The following RECK variants were observed in gnomAD, a reference collection of about 807,000 sequenced individuals.
RECK encodes the protein reversion inducing cysteine rich protein with kazal motifs, also known as reversion-inducing cysteine-rich protein with Kazal motifs.
A neutral mutation model predicts 115.1 loss-of-function variants in RECK; 69 were observed. The ratio of observed to expected loss-of-function variants is 0.60; its 90% confidence interval spans 0.49 to 0.73. RECK has a LOEUF of 0.73. Ranked by LOEUF, RECK falls within the 30% of genes least tolerant of loss-of-function variation. The pLI, the probability that RECK is intolerant of heterozygous loss-of-function variation, is 0.00. For synonymous variants in RECK, 414 were observed against 419.7 expected, an observed-to-expected ratio of 0.99 and a Z score of 0.17; for missense variants, 1,047 against 1,203.7, an observed-to-expected ratio of 0.87 and a Z score of 1.93.
chr9:36,064,587 T>C (rs1490213767), intron 5 of RECK, among the ~76,000 whole-genome samples: 1 of 152,202 alleles, frequency 6.6e-6, no homozygotes. Context: ...GATAAGAGTA[T>C]ATGAGATATG....
rs549991431 is a variant in RECK, at chr9:36,047,559, T to C, written c.101-4706T>C. On this transcript the variant is annotated intron_variant, in intron 1 of 20. Transcript: ENST00000377966. ...GGTGGAGGTTGTAGTGAGCCAAGAC[T>C]GCACCACTCCACTCCAGCCTGGGTG... 7.9e-4 allele frequency among the ~76,000 whole-genome samples: 120 copies of C among 152,078 alleles called. 3 individuals carry two copies. In the South Asian group the frequency reaches 0.024, roughly 30 times the overall value.
intron 15 of RECK, among the ~76,000 whole-genome samples, chr9:36,111,687 C>T (rs1306555424): frequency 9.2e-5 from 14 of 152,144 alleles, no homozygotes; most frequent in Admixed American, 9.2e-4. Flanking sequence ...AGCCACTGTG[C>T]CCAGCCCACT....
intron 15 of RECK, among the ~76,000 whole-genome samples, chr9:36,110,474 T>G (rs1202634519): frequency 3.3e-5 from 5 of 152,204 alleles, no homozygotes; most frequent in African/African-American, 4.8e-5. Context: ...CTTAGCTTAC[T>G]TCTTCATCTA....
At chr9:36,050,974 C>T (rs1454191676) in intron 1 of RECK, among the ~76,000 whole-genome samples, 1 of 152,100 alleles carries the variant, frequency 6.6e-6, no homozygotes, top group Non-Finnish European at 1.5e-5. Context: ...ACATTTACCA[C>T]CATTTCACAT....
At chr9:36,072,237 CT>C in intron 6 of RECK, among the ~76,000 whole-genome samples, 1 of 152,234 alleles carries the variant, frequency 6.6e-6, no homozygotes, top group East Asian at 1.9e-4. Flanking sequence ...TATTTTGTTT[CT>C]TTTTCTTTCA....
chr9:36,055,183 C>G (rs1165622239), intron 2 of RECK, among the ~76,000 whole-genome samples: 1 of 152,070 alleles, frequency 6.6e-6, no homozygotes. Context: ...AAGCATTCAT[C>G]TTTCTTTTTA....
chr9:36,055,403 T>C (rs1821485277), intron 2 of RECK, among the ~76,000 whole-genome samples: 1 of 152,196 alleles, frequency 6.6e-6, no homozygotes. Flanking sequence ...TTAATTTTGC[T>C]TATTAGCTAT....
At chr9:36,081,465 T>C (rs73438826) in intron 7 of RECK, among the ~76,000 whole-genome samples, 2 of 152,274 alleles carry the variant, frequency 1.3e-5, no homozygotes, top group African/African-American at 4.8e-5. Flanking sequence ...TCTGTTCTTA[T>C]ATGTCCTCAC....
intron 2 of RECK, among the ~76,000 whole-genome samples, chr9:36,055,600 C>T (rs1295191188): frequency 6.6e-6 from 1 of 151,990 alleles, no homozygotes; most frequent in Non-Finnish European, 1.5e-5. Flanking sequence ...AATAACTTAC[C>T]AAGGTCCCAA....
In RECK at chr9:36,109,865, A is replaced by G. The variant is rs1054709630; in HGVS notation, c.1766-92A>G. 3.1e-6 allele frequency: 4 copies of G among 1,271,000 alleles called. No individual in the cohort carries two copies. The African/African-American group carries it at 4.5e-5, about 14-fold the overall frequency. The allele number at this position is 1,271,000 out of a possible 1,614,324, so 78.7% of individuals were successfully genotyped here. On this transcript the variant is annotated intron_variant, in intron 14 of 20. Transcript: ENST00000377966. ...CTCAAAAAAAAAAAAAGGAATTTCC[A>G]TTTTAAAACTTGTTGAACTATTAAA...
rs1398406698 is a variant in RECK, at chr9:36,118,880, C to T, written c.2377C>T (p.Leu793Phe). Residue 793 changes from leucine (L) to phenylalanine (F), a missense_variant, in exon 18 of 21, where the codon CTC becomes TTC. Transcript: ENST00000377966. ...YYGDCQAVGVLSEHSSVAECA... is the reference protein window; with the variant it reads ...YYGDCQAVGVFSEHSSVAECA... ...TGGGGACTGCCAGGCCGTCGGAGTC[C>T]TCTCAGAGCACAGCTCCGTCGCCGA... 6.2e-7 allele frequency: 1 copy of T among 1,614,016 alleles called. No homozygotes were observed.
intron 10 of RECK, among the ~76,000 whole-genome samples, chr9:36,097,309 C>T (rs1352013760): frequency 2.2e-5 from 3 of 134,914 alleles, no homozygotes; most frequent in African/African-American, 8.5e-5. Flanking sequence ...GCCTGGGCGA[C>T]AGACCAAGAC....
rs1046716111 is a variant in RECK at position 36,109,821 on chromosome 9, G to T, written c.1766-136G>T. Reference sequence around the variant, plus strand: ...ATCACGCCAGTGCACTCCAGCCTGGGCGATAGAATGAGACCCTTCTCAAAA... The same window carrying T: ...ATCACGCCAGTGCACTCCAGCCTGGTCGATAGAATGAGACCCTTCTCAAAA... On this transcript the variant is annotated intron_variant, in intron 14 of 20. Transcript: ENST00000377966. The T allele has an allele frequency of 8.3e-6, 7 of 846,410 alleles. No individual in the cohort carries two copies. In the East Asian group the frequency reaches 1.6e-4, roughly 20 times the overall value. The allele number at this position is 846,410 out of a possible 1,614,324, so 52.4% of individuals were successfully genotyped here. A position where few individuals can be genotyped will look rare whatever the true frequency, so the allele number is the denominator to read the frequency against.
chr9:36,068,171 G>A (rs151035740), intron 6 of RECK, among the ~76,000 whole-genome samples: 10 of 152,276 alleles, frequency 6.6e-5, no homozygotes, highest in African/African-American at 2.4e-4. Context: ...ATCCTGTGCA[G>A]GCTAAGTTTT....
At chr9:36,069,034 C>T (rs1247456182) in intron 6 of RECK, among the ~76,000 whole-genome samples, 1 of 151,940 alleles carries the variant, frequency 6.6e-6, no homozygotes, top group Non-Finnish European at 1.5e-5. Flanking sequence ...TATTTCAGAC[C>T]TCTTGGGATT....
chr9:36,111,069 G>T (rs995226550), intron 15 of RECK, among the ~76,000 whole-genome samples: 6 of 152,180 alleles, frequency 3.9e-5, no homozygotes, highest in Admixed American at 3.3e-4. Context: ...ATAAGCAAAG[G>T]ATTTACAAGG....
At chr9:36,121,448 C>G (rs906042876) in intron 19 of RECK, 85 bp from the exon 20 acceptor site, 8 of 1,355,626 alleles carry the variant, frequency 5.9e-6, no homozygotes, top group Non-Finnish European at 7.1e-6. Flanking sequence ...AAAGAGCCTC[C>G]TCAGCTGGCA....
Position 36,111,454 on chromosome 9 carries a change from C to T in RECK, c.1889-851C>T, listed in dbSNP as rs144923087. ...TGTTGCCCAGGCTGGAGTGCAATGG[C>T]GTGATCTCGGCTCACCACAAACTCC... On this transcript the variant is annotated intron_variant, in intron 15 of 20. Coordinates refer to ENST00000377966, the MANE Select transcript of RECK (RefSeq NM_021111.3). Among the ~76,000 whole-genome samples the T allele has an allele frequency of 3.7e-4, 57 of 152,228 alleles. 1 individual carries two copies. In the East Asian group the frequency reaches 0.011, roughly 29 times the overall value.
chr9:36,091,867 A>G (rs1180092065), intron 10 of RECK, among the ~76,000 whole-genome samples: 1 of 152,210 alleles, frequency 6.6e-6, no homozygotes, highest in Admixed American at 6.5e-5. Flanking sequence ...GGTTGAAGAA[A>G]CCAAAGAAAA....
Sources: allele counts gnomAD v4.1 joint callset (sites outside exome capture counted in the v4.1 genomes callset), GRCh38; gene constraint gnomAD v4.1.1; transcripts MANE v1.5; gene names NCBI Gene and HGNC (gene_info 2026-07-23, HGNC 2026-07-21).